Variants in NFAT5 observed in about 807,000 individuals in gnomAD.
NFAT5 encodes the protein nuclear factor of activated T cells 5.
In NFAT5, 31 loss-of-function variants were observed where a neutral mutation model predicts 166.5. That is an observed-to-expected ratio of 0.19 (90% CI 0.14 to 0.25). The LOEUF (loss-of-function observed/expected upper bound fraction) is 0.25, where lower values mean the gene tolerates loss of function less well. NFAT5 is among the 10% of genes least tolerant of loss of function. NFAT5 has a pLI of 1.00. For missense variants in NFAT5, 1,449 were observed against 1,821.8 expected, an observed-to-expected ratio of 0.80 and a Z score of 3.72; for synonymous variants, 612 against 639.7, an observed-to-expected ratio of 0.96 and a Z score of 0.65.
At chr16:69,606,597 G>A (rs1239965161) in intron 2 of NFAT5, among the ~76,000 whole-genome samples, 1 of 152,160 alleles carries the variant, frequency 6.6e-6, no homozygotes, top group Non-Finnish European at 1.5e-5. Context: ...GCTCACGGGT[G>A]TAATCCCAGC....
intron 2 of NFAT5, among the ~76,000 whole-genome samples, chr16:69,569,413 C>T (rs1334975994): frequency 5.3e-5 from 8 of 151,280 alleles, no homozygotes; most frequent in African/African-American, 1.9e-4. Context: ...CCGTGAAATA[C>T]ACATGTAACC....
intron 11 of NFAT5, among the ~76,000 whole-genome samples, chr16:69,687,403 T>C (rs118112318): frequency 0.063 from 8,825 of 140,120 alleles, 293 homozygotes; most frequent in Middle Eastern, 0.14. Flanking sequence ...ATTGAGCCAC[T>C]GCACTCCAGC....
chr16:69,661,569 G>GAAAAAAAAAAAAAAAAAAAAAAA (rs1187473064), intron 7 of NFAT5, among the ~76,000 whole-genome samples: 2 of 92,032 alleles, frequency 2.2e-5, no homozygotes, highest in African/African-American at 4.2e-5. Context: ...AAAAAAAAAG[G>GAAAAAAAAAAAAAAAAAAAAAAA]AAATTGTTCA....
In NFAT5 at chr16:69,692,410, G is replaced by C. The variant is rs768808566; in HGVS notation, c.2585G>C (p.Gly862Ala). 13 of 1,614,060 alleles carry C rather than the reference G, an allele frequency of 8.1e-6. No homozygotes were observed. The East Asian group carries it at 8.9e-5, about 11-fold the overall frequency. ...VSQIQSGVSP[G>A]MFSSTEPTVH... ...CAAATTCAGAGTGGTGTAAGCCCTG[G>C]AATGTTTTCCTCAACAGAGCCAACA... The change falls in exon 13 of 15, where the codon GGA becomes GCA. Residue 862 changes from glycine (G) to alanine (A), a missense_variant. Around this residue, in one of 7 missense-constraint regions of NFAT5, gnomAD observed 891 missense variants for 993.0 expected, o/e 0.90. Coordinates refer to ENST00000349945, the MANE Select transcript of NFAT5 (RefSeq NM_138713.4).
At position 69,647,564 on chromosome 16, in the gene NFAT5, G is replaced by T. The variant is rs2035490701; in HGVS notation, c.790G>T (p.Gly264Cys). ...VLSQLTTDNK[G>C]NSKAGNGTLE... is the part of the protein sequence containing the mutation. ...TTCTCAGCTTACCACGGACAACAAA[G>T]GCAACTCAAAAGCGGGAAATGGGTT... Residue 264 changes from glycine to cysteine, a missense_variant, in exon 4 of 15, where the codon GGC becomes TGC. By Grantham distance (159) the Gly-to-Cys change is radical. This residue lies in a region of NFAT5 where 115 missense variants were observed against 177.1 expected (regional missense o/e 0.65). Coordinates refer to ENST00000349945, the MANE Select transcript of NFAT5 (RefSeq NM_138713.4). The surrounding 1 kb of genome is among the most constrained non-coding windows in gnomAD (Gnocchi z 4.8). 2 of 1,581,006 alleles carry T rather than the reference G, an allele frequency of 1.3e-6. No homozygotes were observed. Among genetic ancestry groups the T allele is most frequent in the Admixed American group, 3.4e-5 (2 of 58,318 alleles).
At chr16:69,638,414 A>T (rs1204040138) in intron 3 of NFAT5, among the ~76,000 whole-genome samples, 1 of 151,576 alleles carries the variant, frequency 6.6e-6, no homozygotes, top group East Asian at 2.0e-4. Context: ...ATGATTTTTT[A>T]TTATTGTTTA....
At chr16:69,603,922 A>C (rs1270159005) in intron 2 of NFAT5, among the ~76,000 whole-genome samples, 1 of 152,232 alleles carries the variant, frequency 6.6e-6, no homozygotes, top group Non-Finnish European at 1.5e-5. Context: ...GAGACTTAAC[A>C]GTTAAAAATT....
At chr16:69,596,117 A>G (rs932224550) in intron 2 of NFAT5, among the ~76,000 whole-genome samples, 1 of 152,186 alleles carries the variant, frequency 6.6e-6, no homozygotes, top group African/African-American at 2.4e-5. Context: ...TGGATAAGGG[A>G]GGACTACTGT....
At chr16:69,617,182 T>C (rs1003898354) in intron 2 of NFAT5, among the ~76,000 whole-genome samples, 3 of 152,076 alleles carry the variant, frequency 2.0e-5, no homozygotes, top group African/African-American at 7.2e-5. Context: ...GACCTTGTGA[T>C]CCGCCCGCCT....
At chr16:69,656,612 C>G (rs987791750) in intron 6 of NFAT5, among the ~76,000 whole-genome samples, 2 of 151,954 alleles carry the variant, frequency 1.3e-5, no homozygotes, top group Non-Finnish European at 2.9e-5. Context: ...GCCACCACAC[C>G]CGGCTAATTT....
chr16:69,657,986 GAGGCAGGA>G (rs370660148), intron 6 of NFAT5, among the ~76,000 whole-genome samples: 23,744 of 149,790 alleles, frequency 0.16, 2,065 homozygotes, highest in East Asian at 0.36. Context: ...TCCAGAGGCT[GAGGCAGGA>G]GAATGGCGTG....
At chr16:69,634,587 CT>C (rs2034872746) in intron 3 of NFAT5, among the ~76,000 whole-genome samples, 1 of 152,050 alleles carries the variant, frequency 6.6e-6, no homozygotes, top group South Asian at 2.1e-4. Flanking sequence ...AGAATTTATT[CT>C]TCCCATATAA....
At chr16:69,655,880 AT>A (rs1246725013) in intron 6 of NFAT5, 81 bp downstream of exon 6, 1 of 1,008,408 alleles carries the variant, frequency 9.9e-7, no homozygotes, top group East Asian at 2.7e-5. Context: ...TGTATAGAAG[AT>A]TTTTTGCGTA....
At chr16:69,603,633 T>A (rs1446005762) in intron 2 of NFAT5, among the ~76,000 whole-genome samples, 2 of 152,250 alleles carry the variant, frequency 1.3e-5, no homozygotes, top group East Asian at 3.9e-4. Context: ...GTACCTATGA[T>A]CCCAGCTACT....
At chr16:69,602,513 C>T (rs2033183786) in intron 2 of NFAT5, among the ~76,000 whole-genome samples, 1 of 151,616 alleles carries the variant, frequency 6.6e-6, no homozygotes, top group African/African-American at 2.4e-5. Context: ...GGTGATCCGC[C>T]ACCTCAGCCT....
At position 69,690,924 on chromosome 16, in the gene NFAT5, G is replaced by A; in HGVS notation, c.1775-16G>A. On this transcript the variant is annotated splice_polypyrimidine_tract_variant and intron_variant, in intron 11 of 14. Transcript: ENST00000349945. ...TGTGATTTTAAACTTTTCTTTTTGT[G>A]TGTGTGTATATGCAGCAATGAAAAC... 1 of 1,461,426 alleles carries A rather than the reference G, an allele frequency of 6.8e-7. No individual in the cohort carries two copies. The highest frequency in any genetic ancestry group is 1.4e-5 in the African/African-American group (1 of 69,454). The allele number at this position is 1,461,426 out of a possible 1,614,324, so 90.5% of individuals were successfully genotyped here.
chr16:69,578,707 T>C (rs112755814), intron 2 of NFAT5, among the ~76,000 whole-genome samples: 2,864 of 152,218 alleles, frequency 0.019, 97 homozygotes, highest in African/African-American at 0.061. Context: ...ACTTGTTGGA[T>C]TGTCATTCTG....
Position 69,699,363 on chromosome 16 carries a change from G to A in NFAT5, c.*3012G>A, listed in dbSNP as rs1202412799. ...ACAGAATATATACCTGAACTGTAGT[G>A]GTTTGATCGGATGGAGACAGAAAAC... On this transcript the variant is annotated 3_prime_UTR_variant, in exon 15 of 15. Coordinates refer to ENST00000349945, the MANE Select transcript of NFAT5 (RefSeq NM_138713.4). 6.6e-6 allele frequency: 1 copy of A among 152,552 alleles called. No homozygotes were observed. The highest frequency in any genetic ancestry group is 2.4e-5 in the African/African-American group (1 of 41,406). The allele number at this position is 152,552 out of a possible 1,614,324, so 9.4% of individuals were successfully genotyped here.
chr16:69,652,876 A>T (rs779106537), intron 4 of NFAT5, among the ~76,000 whole-genome samples: 12 of 152,124 alleles, frequency 7.9e-5, no homozygotes, highest in Non-Finnish European at 1.8e-4. Context: ...TTTAAATCTT[A>T]TTTTGACTGA....
Sources: allele counts gnomAD v4.1 joint callset (sites outside exome capture counted in the v4.1 genomes callset), GRCh38; gene constraint gnomAD v4.1.1; regional missense constraint gnomAD v4.1.1; non-coding constraint Gnocchi (gnomAD v3.1); transcripts MANE v1.5; gene names NCBI Gene and HGNC (gene_info 2026-07-23, HGNC 2026-07-21).